SAXO1: variants seen among roughly 807,000 people sequenced by gnomAD.
SAXO1 encodes 4930500O09Rik.
Under a neutral mutation model 17.5 loss-of-function variants are expected in SAXO1, and 21 were observed. The ratio of observed to expected loss-of-function variants is 1.20; its 90% CI spans 0.85 to 1.72. The LOEUF is 1.72. Ranked by LOEUF, SAXO1 falls within the 40% of genes most tolerant of loss-of-function variation. The probability of loss-of-function intolerance (pLI) is 0.00; values close to 1 mark genes in which losing one functional copy is unlikely to be tolerated. For missense variants in SAXO1, 843 were observed against 596.0 expected, an observed-to-expected ratio of 1.41 and a Z score of -4.32; for synonymous variants, 274 against 216.5, an observed-to-expected ratio of 1.27 and a Z score of -2.33.
chr9:18,993,635 A>C (rs1235337867), intron 1 of SAXO1, among the ~76,000 whole-genome samples: 2 of 152,210 alleles, frequency 1.3e-5, no homozygotes, highest in Non-Finnish European at 2.9e-5. Flanking sequence ...AGATGGCTTC[A>C]AGAGAGAACA....
At chr9:19,012,983 C>G (rs1834815024) in intron 1 of SAXO1, among the ~76,000 whole-genome samples, 1 of 152,148 alleles carries the variant, frequency 6.6e-6, no homozygotes, top group South Asian at 2.1e-4. Context: ...ACGCTTTTCT[C>G]TAGAAACAAC....
chr9:18,995,417 G>C (rs1833961985), intron 1 of SAXO1, among the ~76,000 whole-genome samples: 2 of 152,196 alleles, frequency 1.3e-5, no homozygotes, highest in Non-Finnish European at 2.9e-5. Context: ...CGGTTAAAAA[G>C]TTATCCGTCC....
At chr9:19,027,966 G>T in intron 1 of SAXO1, 2 of 1,515,484 alleles carry the variant, frequency 1.3e-6, no homozygotes, top group Non-Finnish European at 1.8e-6. Flanking sequence ...CGAGGGAGCT[G>T]ACCCGCTGCA....
At chr9:18,936,479 G>A (rs191846438) in intron 3 of SAXO1, among the ~76,000 whole-genome samples, 18 of 152,092 alleles carry the variant, frequency 1.2e-4, no homozygotes, top group Non-Finnish European at 2.6e-4. Context: ...TCTCTTCTGT[G>A]ATGGATGAAG....
At chr9:18,998,128 A>T (rs1237921579) in intron 1 of SAXO1, among the ~76,000 whole-genome samples, 2 of 152,164 alleles carry the variant, frequency 1.3e-5, no homozygotes, top group Non-Finnish European at 2.9e-5. Flanking sequence ...CAAGTTGACA[A>T]AAGTAGGCTT....
At chr9:19,026,914 C>A in intron 1 of SAXO1, 1 of 770,446 alleles carries the variant, frequency 1.3e-6, no homozygotes, top group Non-Finnish European at 2.4e-6. Context: ...TGGGATGAGG[C>A]CAAGCAAGAT....
chr9:19,023,118 GCC>G (rs1443080081), intron 1 of SAXO1, among the ~76,000 whole-genome samples: 1 of 150,044 alleles, frequency 6.7e-6, no homozygotes, highest in Non-Finnish European at 1.5e-5. Context: ...ATTTAATCAA[GCC>G]CCCCAAACAC....
chr9:18,941,790 C>G lies in SAXO1; in HGVS notation c.268G>C (p.Asp90His). The G allele has an allele frequency of 6.2e-7, 1 of 1,614,190 alleles. No individual in the cohort carries two copies. Among genetic ancestry groups the G allele is most frequent in the Non-Finnish European group, 8.5e-7 (1 of 1,180,034 alleles). ...TTCTCTTCACTCGGGACGAACTGGT[C>G]ATACTGGTGGACCTTCACTGGTGCC... ...KVAPVKVHQY[D>H]QFVPSEENMD... Residue 90 changes from aspartate (D) to histidine (H), a missense_variant, in exon 3 of 4, where the codon GAC becomes CAC. Physicochemically the swap from Asp to His is moderately conservative, Grantham distance 81 (BLOSUM62 -1). Coordinates refer to ENST00000380534, the MANE Select transcript of SAXO1 (RefSeq NM_153707.4).
intron 1 of SAXO1, among the ~76,000 whole-genome samples, chr9:19,009,175 G>A (rs1291173188): frequency 6.6e-6 from 1 of 151,942 alleles, no homozygotes; most frequent in Admixed American, 6.6e-5. Context: ...AAACAAGATT[G>A]GGCTAAAACT....
intron 1 of SAXO1, among the ~76,000 whole-genome samples, chr9:19,012,533 G>A (rs1225116265): frequency 1.3e-5 from 2 of 152,192 alleles, no homozygotes; most frequent in African/African-American, 4.8e-5. Flanking sequence ...GGGGGACGGT[G>A]GGCACAGAGT....
At chr9:19,006,446 T>G (rs1029121813) in intron 1 of SAXO1, among the ~76,000 whole-genome samples, 1 of 152,124 alleles carries the variant, frequency 6.6e-6, no homozygotes, top group Non-Finnish European at 1.5e-5. Flanking sequence ...TAAAAAGAAA[T>G]AAAATTTGGA....
chr9:18,927,881 A>C lies in SAXO1; in HGVS notation c.*171T>G. 1 of 673,272 alleles carries C rather than the reference A, an allele frequency of 1.5e-6. No individual in the cohort carries two copies. The highest frequency in any genetic ancestry group is 2.8e-5 in the South Asian group (1 of 35,256). The allele number at this position is 673,272 out of a possible 1,614,324, so 41.7% of individuals were successfully genotyped here. On this transcript the variant is annotated 3_prime_UTR_variant, in exon 4 of 4. Transcript: ENST00000380534. ...GTTAATTAGCCGGTGATTAAATGTCATTTTCCCTGAGTCAAGTGATTCTCA... is the reference window on the plus strand; with the variant it reads ...GTTAATTAGCCGGTGATTAAATGTCCTTTTCCCTGAGTCAAGTGATTCTCA...
Position 19,017,208 on chromosome 9 carries a change from A to G in SAXO1, c.38+15663T>C, listed in dbSNP as rs536340848. The stretch of plus-strand genomic sequence containing the variant: ...GAAAAAGAAAAAAAAAGATCAATTG[A>G]TGCCAAAAAATCTGGAGTGACACTG... On this transcript the variant is annotated intron_variant, in intron 1 of 3. Transcript: ENST00000380534. Among the ~76,000 whole-genome samples the G allele has an allele frequency of 2.0e-5, 3 of 152,264 alleles. No individual in the cohort carries two copies. The South Asian group carries it at 6.2e-4, about 32-fold the overall frequency.
At chr9:18,987,005 A>G (rs1224251684) in intron 1 of SAXO1, among the ~76,000 whole-genome samples, 2 of 152,202 alleles carry the variant, frequency 1.3e-5, no homozygotes, top group Admixed American at 6.5e-5. Context: ...AATAGATACA[A>G]CACAATTCAG....
intron 1 of SAXO1, among the ~76,000 whole-genome samples, chr9:19,000,508 G>C (rs912864099): frequency 1.3e-5 from 2 of 151,918 alleles, no homozygotes; most frequent in African/African-American, 4.8e-5. Flanking sequence ...TCTGGGAAGT[G>C]AGGGGTGCCT....
intron 1 of SAXO1, among the ~76,000 whole-genome samples, chr9:18,979,287 T>C (rs529532599): frequency 6.6e-6 from 1 of 152,198 alleles, no homozygotes; most frequent in Admixed American, 6.5e-5. Flanking sequence ...AGAGGAAGAA[T>C]TCCATAGCAT....
chr9:19,017,867 G>C (rs931336842), intron 1 of SAXO1, among the ~76,000 whole-genome samples: 2 of 152,134 alleles, frequency 1.3e-5, no homozygotes, highest in East Asian at 3.8e-4. Context: ...TGAACTACTG[G>C]CATAGAAAAC....
intron 1 of SAXO1, among the ~76,000 whole-genome samples, chr9:19,014,048 T>C (rs148675347): frequency 6.2e-4 from 95 of 152,144 alleles, no homozygotes; most frequent in African/African-American, 2.2e-3. Flanking sequence ...GTCCTCAGGA[T>C]AGTTTGGTGA....
In SAXO1 at chr9:19,041,881, G is replaced by T. The variant is rs563045317; in HGVS notation, c.-158+7328C>A. Among the ~76,000 whole-genome samples the T allele has an allele frequency of 9.7e-4, 148 of 152,182 alleles. 1 individual carries two copies. Among genetic ancestry groups the T allele is most frequent in the Non-Finnish European group, 1.7e-3 (114 of 67,990 alleles). On this transcript the variant is annotated intron_variant, in intron 1 of 3. Coordinates refer to the SAXO1 transcript ENST00000542071. ...GGAAAACTCTCCAGAACATTGGTCT[G>T]GACAAAAACTTCTTGAGTAATACCC...
Sources: gnomAD v4.1 joint callset for allele counts (sites outside exome capture counted in the v4.1 genomes callset) on GRCh38, gnomAD v4.1.1 for gene constraint, MANE v1.5 for transcripts, NCBI Gene and HGNC (gene_info 2026-07-23, HGNC 2026-07-21) for gene names.